The following CEP70 variants were observed in gnomAD, a reference collection of about 807,000 sequenced individuals.
CEP70 encodes the protein centrosomal protein of 70 kDa.
In CEP70, 70 loss-of-function variants were observed where a neutral mutation model predicts 90.9. The ratio of observed to expected loss-of-function variants is 0.77; its 90% CI spans 0.64 to 0.94. The LOEUF is 0.94. Ranked by LOEUF, CEP70 falls within the 40% of genes least tolerant of loss-of-function variation. The probability of loss-of-function intolerance (pLI) is 0.00; values close to 1 mark genes in which losing one functional copy is unlikely to be tolerated. For synonymous variants in CEP70, 220 were observed against 228.3 expected, an observed-to-expected ratio of 0.96 and a Z score of 0.33; for missense variants, 648 against 669.0, an observed-to-expected ratio of 0.97 and a Z score of 0.35.
chr3:138,534,906 C>T (rs1479934059), intron 7 of CEP70, among the ~76,000 whole-genome samples: 1 of 152,214 alleles, frequency 6.6e-6, no homozygotes, highest in African/African-American at 2.4e-5. Flanking sequence ...CAACTCCTAT[C>T]CATCTTTGCA....
intron 14 of CEP70, 84 bp from the exon 15 acceptor site, chr3:138,500,651 C>G: frequency 6.7e-7 from 1 of 1,494,658 alleles, no homozygotes; most frequent in Non-Finnish European, 9.0e-7. Flanking sequence ...AAATAGAACT[C>G]TAGTAGAACA....
intron 17 of CEP70, chr3:138,497,258 A>G (rs1448850219): frequency 1.3e-5 from 17 of 1,268,264 alleles, no homozygotes; most frequent in Non-Finnish European, 1.6e-5. Context: ...CTTCTTATCA[A>G]GTTTTCATTG....
intron 6 of CEP70, among the ~76,000 whole-genome samples, chr3:138,538,112 G>A (rs78283980): frequency 0.018 from 2,728 of 152,250 alleles, 43 homozygotes; most frequent in Non-Finnish European, 0.028. Context: ...ACTATCTTGG[G>A]TTCCTTGCAG....
chr3:138,568,904 G>A (rs548563882), intron 6 of CEP70, among the ~76,000 whole-genome samples: 18 of 151,722 alleles, frequency 1.2e-4, no homozygotes, highest in African/African-American at 2.4e-4. Context: ...GCTTCAACCC[G>A]GGAGGCAGAG....
chr3:138,498,911 T>C (rs2108656730), intron 16 of CEP70, among the ~76,000 whole-genome samples: 1 of 151,830 alleles, frequency 6.6e-6, no homozygotes, highest in South Asian at 2.1e-4. Flanking sequence ...CTGGGTGTGG[T>C]AGCGCATGCC....
intron 6 of CEP70, among the ~76,000 whole-genome samples, chr3:138,558,330 A>G (rs2040171490): frequency 6.6e-6 from 1 of 152,128 alleles, no homozygotes; most frequent in South Asian, 2.1e-4. Context: ...ACACCACTGC[A>G]CTCCAGGCTG....
At chr3:138,496,566 C>G (rs993856308) in intron 17 of CEP70, 3 of 985,128 alleles carry the variant, frequency 3.0e-6, no homozygotes, top group Non-Finnish European at 3.6e-6. Flanking sequence ...GGACCTTGGC[C>G]GATATGGGAA....
chr3:138,497,910 A>T (rs1252268518), intron 17 of CEP70, 121 bp downstream of exon 17: 1 of 1,507,502 alleles, frequency 6.6e-7, no homozygotes, highest in African/African-American at 1.4e-5. Flanking sequence ...TGTTTCCAGA[A>T]CTGTTAGTGG....
intron 7 of CEP70, among the ~76,000 whole-genome samples, chr3:138,534,462 A>T (rs2038096080): frequency 6.6e-6 from 1 of 152,218 alleles, no homozygotes; most frequent in Non-Finnish European, 1.5e-5. Flanking sequence ...TTTCCTTCAT[A>T]AAAAAACTTC....
chr3:138,504,749 A>C (rs2034822967), intron 13 of CEP70, among the ~76,000 whole-genome samples: 1 of 152,208 alleles, frequency 6.6e-6, no homozygotes, highest in Non-Finnish European at 1.5e-5. Context: ...TCTTCCATGA[A>C]GAGATAGGAT....
Position 138,575,499 on chromosome 3 carries a change from G to A in CEP70, c.-5-2567C>T, listed in dbSNP as rs921572637. Among the ~76,000 whole-genome samples the A allele has an allele frequency of 4.8e-3, 724 of 152,208 alleles. 4 individuals carry two copies. Among genetic ancestry groups the A allele is most frequent in the African/African-American group, 0.017 (697 of 41,528 alleles). Reference sequence around the variant, plus strand: ...TTTGGTGTACCCAAAAGTGATGGGGGGAATGGAACCAAGCTGGAAAACACT... The same window carrying A: ...TTTGGTGTACCCAAAAGTGATGGGGAGAATGGAACCAAGCTGGAAAACACT... On this transcript the variant is annotated intron_variant, in intron 2 of 17. Transcript: ENST00000264982.
chr3:138,550,066 G>T (rs573642662), intron 6 of CEP70, among the ~76,000 whole-genome samples: 1 of 152,258 alleles, frequency 6.6e-6, no homozygotes, highest in African/African-American at 2.4e-5. Flanking sequence ...CTGAACAGCA[G>T]CCTTGAGCCC....
intron 6 of CEP70, among the ~76,000 whole-genome samples, chr3:138,548,687 A>G (rs1044216952): frequency 6.6e-6 from 1 of 152,206 alleles, no homozygotes; most frequent in South Asian, 2.1e-4. Context: ...CTAGGGGAAA[A>G]TGGCAGATAG....
intron 6 of CEP70, among the ~76,000 whole-genome samples, chr3:138,561,454 T>C (rs1386331770): frequency 3.3e-5 from 5 of 151,792 alleles, no homozygotes; most frequent in Admixed American, 2.6e-4. Context: ...CACAAAAAGG[T>C]TGAAAATTCC....
chr3:138,523,537 C>T, intron 11 of CEP70, among the ~76,000 whole-genome samples: 1 of 152,064 alleles, frequency 6.6e-6, no homozygotes, highest in Non-Finnish European at 1.5e-5. Context: ...TCTCAGGATA[C>T]AAAATCAATG....
At position 138,591,910 on chromosome 3, in the gene CEP70, A is replaced by G. The variant is rs2108296957; in HGVS notation, c.-62T>C. On this transcript the variant is annotated 5_prime_UTR_variant, in exon 2 of 18. Transcript: ENST00000264982. ...CACCTGGTCATTCAGGTTGATCTCA[A>G]TGAAATGATCACCCAACGAGTCTCA... 2.1e-6 allele frequency: 3 copies of G among 1,437,470 alleles called. No homozygotes were observed. The highest frequency in any genetic ancestry group is 2.8e-6 in the Non-Finnish European group (3 of 1,080,312). 89.0% of individuals were successfully genotyped at this position (1,437,470 alleles called of 1,614,324 possible). A position where few individuals can be genotyped will look rare whatever the true frequency, so the allele number is the denominator to read the frequency against.
chr3:138,548,315 G>A (rs897248215), intron 6 of CEP70, among the ~76,000 whole-genome samples: 12 of 152,042 alleles, frequency 7.9e-5, no homozygotes, highest in African/African-American at 2.9e-4. Context: ...AACACTCCTG[G>A]GGAAACTTTA....
chr3:138,535,118 T>A (rs2107795853), intron 7 of CEP70, among the ~76,000 whole-genome samples: 1 of 152,320 alleles, frequency 6.6e-6, no homozygotes, highest in Non-Finnish European at 1.5e-5. Flanking sequence ...CTTTCCATAT[T>A]GTCATATTGT....
chr3:138,572,965 A>C, intron 2 of CEP70, 33 bp from the exon 3 acceptor site: 1 of 1,515,712 alleles, frequency 6.6e-7, no homozygotes, highest in Non-Finnish European at 9.0e-7. Context: ...AGAAATTGGC[A>C]ATTAAAAAAT....
Sources: allele counts gnomAD v4.1 joint callset (sites outside exome capture counted in the v4.1 genomes callset), GRCh38; gene constraint gnomAD v4.1.1; transcripts MANE v1.5; gene names NCBI Gene and HGNC (gene_info 2026-07-23, HGNC 2026-07-21).